GPHN: variants seen among roughly 807,000 people sequenced by gnomAD.
GPHN encodes the protein gephyrin.
A neutral mutation model predicts 95.5 loss-of-function variants in GPHN; 17 were observed. The observed-to-expected ratio is 0.18, with a 90% CI of 0.12 to 0.27. The LOEUF is 0.27. Ranked by LOEUF, GPHN falls within the 10% of genes least tolerant of loss-of-function variation. The pLI, the probability that GPHN is intolerant of heterozygous loss-of-function variation, is 1.00. For synonymous variants in GPHN, 320 were observed against 322.5 expected, an observed-to-expected ratio of 0.99 and a Z score of 0.08; for missense variants, 660 against 978.1, an observed-to-expected ratio of 0.67 and a Z score of 4.34.
chr14:67,648,901 A>C, the GPHN span: 1 of 152,212 alleles, frequency 6.6e-6, no homozygotes, highest in Non-Finnish European at 1.5e-5. Context: ...TAGGGTATAG[A>C]TAGAGACCCC....
chr14:67,729,273 C>A, the GPHN span: 1 of 1,606,732 alleles, frequency 6.2e-7, no homozygotes, highest in Non-Finnish European at 8.5e-7. Flanking sequence ...TCTGCCTGCT[C>A]TGGCGGCTCT....
chr14:67,251,520 C>T, the GPHN span, among the ~76,000 whole-genome samples: 1 of 151,940 alleles, frequency 6.6e-6, no homozygotes, highest in Non-Finnish European at 1.5e-5. Flanking sequence ...TCAACAGCAA[C>T]AGAACGAGAA....
chr14:67,458,889 T>C, the GPHN span, among the ~76,000 whole-genome samples: 2 of 151,552 alleles, frequency 1.3e-5, no homozygotes, highest in Non-Finnish European at 2.9e-5. Context: ...GGCTAATGTT[T>C]TTTGTTTTGT....
chr14:66,792,129 T>C (rs2059991618), intron 3 of GPHN, among the ~76,000 whole-genome samples: 1 of 152,152 alleles, frequency 6.6e-6, no homozygotes, highest in Admixed American at 6.5e-5. Flanking sequence ...ATTATTATAA[T>C]TCAAGGTGAG....
chr14:67,662,917 A>AC, the GPHN span: 1 of 1,284,982 alleles, frequency 7.8e-7, no homozygotes. Context: ...AAAAAAAAAA[A>AC]AAAAGAATGT....
chr14:67,656,870 G>A, the GPHN span, among the ~76,000 whole-genome samples: 1 of 152,178 alleles, frequency 6.6e-6, no homozygotes, highest in Non-Finnish European at 1.5e-5. Context: ...CTTTCCCTGT[G>A]TTTGTAATGA....
chr14:66,871,628 C>T (rs550456684), intron 4 of GPHN, among the ~76,000 whole-genome samples: 2 of 152,210 alleles, frequency 1.3e-5, no homozygotes, highest in South Asian at 4.1e-4. Context: ...TGGATAATGA[C>T]ATGGATGAAG....
chr14:66,710,646 A>G (rs919619559), intron 2 of GPHN, among the ~76,000 whole-genome samples: 4 of 152,206 alleles, frequency 2.6e-5, no homozygotes, highest in Non-Finnish European at 4.4e-5. Flanking sequence ...ATGGTTGAGT[A>G]GAATCTAGGG....
At position 66,631,151 on chromosome 14, in the gene GPHN, C is replaced by T. The variant is rs145099551; in HGVS notation, c.65-49956C>T. 2.0e-5 allele frequency among the ~76,000 whole-genome samples: 3 copies of T among 152,008 alleles called. 1 individual carries two copies. In the East Asian group the frequency reaches 5.8e-4, roughly 29 times the overall value. ...GTAACCTCCACCTCTTGGGTTCAAG[C>T]GAGTCTTCGTCCTCAGCCTCCTGAG... On this transcript the variant is annotated intron_variant, in intron 1 of 22. Transcript: ENST00000478722.
the GPHN span, chr14:67,727,156 G>A: frequency 1.9e-6 from 3 of 1,613,960 alleles, no homozygotes; most frequent in African/African-American, 1.3e-5. Flanking sequence ...TGGCCAATGT[G>A]CTTTTTACTC....
At chr14:67,188,603 T>G in the GPHN span, among the ~76,000 whole-genome samples, 2 of 152,088 alleles carry the variant, frequency 1.3e-5, no homozygotes, top group Non-Finnish European at 2.9e-5. Context: ...AATTTGTCCA[T>G]CCAAAAGATG....
chr14:66,926,694 G>C (rs981529267), intron 8 of GPHN, among the ~76,000 whole-genome samples: 1 of 152,074 alleles, frequency 6.6e-6, no homozygotes, highest in Non-Finnish European at 1.5e-5. Flanking sequence ...GATTCTTCCA[G>C]TTTTGTTTTT....
At chr14:66,923,892 A>AT (rs1181339025) in intron 7 of GPHN, among the ~76,000 whole-genome samples, 1 of 151,858 alleles carries the variant, frequency 6.6e-6, no homozygotes, top group East Asian at 1.9e-4. Context: ...GCTAGTAAGT[A>AT]TTTAAGTTTT....
At chr14:67,695,861 G>A in the GPHN span, 2 of 643,514 alleles carry the variant, frequency 3.1e-6, no homozygotes, top group Non-Finnish European at 5.4e-6. Context: ...GGCTGGCTAC[G>A]TGGGAGCGCT....
the GPHN span, chr14:67,569,159 G>T: frequency 1.2e-6 from 2 of 1,612,584 alleles, no homozygotes; most frequent in African/African-American, 1.3e-5. Context: ...CTATGCTGTG[G>T]CCACATCGGG....
chr14:67,587,006 ATAAG>A, the GPHN span: 17 of 1,528,042 alleles, frequency 1.1e-5, no homozygotes, highest in Non-Finnish European at 1.3e-5. Flanking sequence ...ATAAGAGCTA[ATAAG>A]TAAGAAAGCC....
chr14:66,791,411 TA>T (rs766591440), intron 3 of GPHN, among the ~76,000 whole-genome samples: 15 of 152,182 alleles, frequency 9.9e-5, no homozygotes, highest in Admixed American at 4.6e-4. Flanking sequence ...AATAAATAAA[TA>T]AAATGGCTAC....
intron 9 of GPHN, among the ~76,000 whole-genome samples, chr14:66,977,387 C>T (rs1337043837): frequency 6.6e-6 from 1 of 151,592 alleles, no homozygotes; most frequent in Non-Finnish European, 1.5e-5. Context: ...GCCAAGATCG[C>T]GCCATTGCAC....
At chr14:66,907,576 T>C (rs551719061) in intron 5 of GPHN, among the ~76,000 whole-genome samples, 16 of 152,250 alleles carry the variant, frequency 1.1e-4, no homozygotes, top group Admixed American at 5.9e-4. Flanking sequence ...CAAATTGCAT[T>C]TGATGGATCC....
Sources: allele counts gnomAD v4.1 joint callset (sites outside exome capture counted in the v4.1 genomes callset), GRCh38; gene constraint gnomAD v4.1.1; transcripts MANE v1.5; gene names NCBI Gene and HGNC (gene_info 2026-07-23, HGNC 2026-07-21).